The following USP53 variants were observed in gnomAD, a reference collection of about 807,000 sequenced individuals.
The protein encoded by USP53 is ubiquitin specific peptidase 53, also known as ubiquitin carboxyl-terminal hydrolase 53.
In USP53, 71 loss-of-function variants were observed where a neutral mutation model predicts 94.9. That is an observed-to-expected ratio of 0.75 (90% CI 0.62 to 0.91). The LOEUF is 0.91. Ranked by LOEUF, USP53 falls within the 40% of genes least tolerant of loss-of-function variation. USP53 has a pLI of 0.00. For synonymous variants in USP53, 375 were observed against 422.7 expected, an observed-to-expected ratio of 0.89 and a Z score of 1.39; for missense variants, 1,173 against 1,281.0, an observed-to-expected ratio of 0.92 and a Z score of 1.29.
chr4:119,232,760 C>CTA (rs1746234725), intron 3 of USP53, among the ~76,000 whole-genome samples: 1 of 151,964 alleles, frequency 6.6e-6, no homozygotes, highest in Non-Finnish European at 1.5e-5. Flanking sequence ...ATTTTTGTAC[C>CTA]TATAATCATG....
chr4:119,268,511 C>A lies in USP53; in HGVS notation c.1288+91C>A, dbSNP rs989143556. The A allele has an allele frequency of 2.4e-6, 3 of 1,271,834 alleles. No individual in the cohort carries two copies. The African/African-American group carries it at 4.5e-5, about 19-fold the overall frequency. The allele number at this position is 1,271,834 out of a possible 1,614,324, so 78.8% of individuals were successfully genotyped here. ...AGGATGCTTACCTAGCTTTCCTTGG[C>A]TGTGAAAAGATAATAACAAATAGAT... On this transcript the variant is annotated intron_variant, in intron 14 of 18. Transcript: ENST00000692078.
chr4:119,272,484 G>A (rs1751992808), intron 16 of USP53: 1 of 154,044 alleles, frequency 6.5e-6, no homozygotes, highest in Admixed American at 6.5e-5. Context: ...CGCAATTACG[G>A]GTCACTGCAA....
chr4:119,215,011 A>G (rs879157471), intron 2 of USP53, among the ~76,000 whole-genome samples: 1 of 152,148 alleles, frequency 6.6e-6, no homozygotes, highest in Admixed American at 6.5e-5. Flanking sequence ...ATCCTTTTTG[A>G]CAGCTTTAAC....
In USP53 at chr4:119,268,328, A is replaced by G. The variant is rs1396915839; in HGVS notation, c.1196A>G (p.Gln399Arg). ...TTAAAAGAAAATGGATTTGGTGATC[A>G]GGCAAAGCAGAGAGAAAATCAGAAA... ...DNLKENGFGD[Q>R]AKQRENQKFP... Residue 399 changes from glutamine to arginine, a missense_variant, in exon 14 of 19, where the codon CAG becomes CGG. Physicochemically the swap from Gln to Arg is conservative, Grantham distance 43. Transcript: ENST00000692078. 1.9e-6 allele frequency: 3 copies of G among 1,613,968 alleles called. No individual in the cohort carries two copies. The highest frequency in any genetic ancestry group is 2.5e-6 in the Non-Finnish European group (3 of 1,179,936).
At position 119,261,735 on chromosome 4, in the gene USP53, T is replaced by C; in HGVS notation, c.843T>C (p.Asp281=). 1.3e-6 allele frequency: 2 copies of C among 1,570,700 alleles called. No homozygotes were observed. Among genetic ancestry groups the C allele is most frequent in the Non-Finnish European group, 1.7e-6 (2 of 1,149,474 alleles). The change falls in exon 12 of 19, where the codon GAT becomes GAC. Residue 281 remains aspartate, a synonymous_variant. Coordinates refer to ENST00000692078, the MANE Select transcript of USP53 (RefSeq NM_001371395.1). ...AACAGCTTTTTTATAGAGTTACTGA[T>C]GAAAATGCCAAAAATAGTGAACTTA... ...YLPGLFYRVT[D]ENAKNSELNL...
At chr4:119,290,467 T>C (rs1209717138) in intron 17 of USP53, among the ~76,000 whole-genome samples, 2 of 152,174 alleles carry the variant, frequency 1.3e-5, no homozygotes, top group Non-Finnish European at 2.9e-5. Context: ...AGTATATCGA[T>C]ATATATACTT....
chr4:119,280,483 AC>A (rs1023019624), intron 17 of USP53, among the ~76,000 whole-genome samples: 57 of 152,186 alleles, frequency 3.7e-4, no homozygotes, highest in African/African-American at 1.3e-3. Context: ...TTTACCTCCT[AC>A]CTTTTATGTC....
intron 17 of USP53, among the ~76,000 whole-genome samples, chr4:119,282,680 C>T (rs544454419): frequency 6.6e-6 from 1 of 152,060 alleles, no homozygotes; most frequent in East Asian, 1.9e-4. Context: ...TCCCTTCCCC[C>T]AGTCTGGGAC....
chr4:119,231,994 T>A (rs138195459), intron 3 of USP53, among the ~76,000 whole-genome samples: 2 of 152,248 alleles, frequency 1.3e-5, no homozygotes, highest in Non-Finnish European at 1.5e-5. Context: ...CCCACTCTTA[T>A]CAGTGTGGTA....
At chr4:119,232,998 C>G (rs1362643884) in intron 3 of USP53, among the ~76,000 whole-genome samples, 2 of 151,868 alleles carry the variant, frequency 1.3e-5, no homozygotes, top group African/African-American at 4.8e-5. Context: ...TCTAAACTAG[C>G]CTTTTTAAGC....
chr4:119,253,566 GC>G (rs1340237707), intron 7 of USP53, among the ~76,000 whole-genome samples: 3 of 151,702 alleles, frequency 2.0e-5, no homozygotes, highest in African/African-American at 7.3e-5. Context: ...CTTTCCATTT[GC>G]TTGGTAGATC....
chr4:119,221,857 C>A (rs536683724), intron 3 of USP53, among the ~76,000 whole-genome samples: 5 of 152,088 alleles, frequency 3.3e-5, no homozygotes, highest in African/African-American at 1.2e-4. Context: ...CACAGCAGAG[C>A]AAAGGAGAGA....
At chr4:119,274,174 T>C (rs1752258300) in intron 17 of USP53, among the ~76,000 whole-genome samples, 1 of 151,876 alleles carries the variant, frequency 6.6e-6, no homozygotes, top group Non-Finnish European at 1.5e-5. Context: ...TGTATACATG[T>C]GCCATGCTGG....
chr4:119,291,230 C>A lies in USP53; in HGVS notation c.2317C>A (p.His773Asn). 7.0e-7 allele frequency: 1 copy of A among 1,421,382 alleles called. No individual in the cohort carries two copies. 88.0% of individuals were successfully genotyped at this position (1,421,382 alleles called of 1,614,324 possible). A position where few individuals can be genotyped will look rare whatever the true frequency, so the allele number is the denominator to read the frequency against. ...YKSHEFHPESHLQIKNHLIKR... is the reference protein window; with the variant it reads ...YKSHEFHPESNLQIKNHLIKR... The stretch of plus-strand genomic sequence containing the variant: ...ATCTCATGAATTCCACCCAGAATCA[C>A]ATTTACAAATAAAAAATCATTTGAT... The change falls in exon 18 of 19, where the codon CAT becomes AAT. Residue 773 changes from histidine (H) to asparagine (N), a missense_variant. Coordinates refer to ENST00000692078, the MANE Select transcript of USP53 (RefSeq NM_001371395.1).
At chr4:119,259,102 G>A (rs6534132) in intron 9 of USP53, among the ~76,000 whole-genome samples, 55,160 of 151,794 alleles carry the variant, frequency 0.36, 10,165 homozygotes, top group South Asian at 0.43. Flanking sequence ...GGAACATGGT[G>A]AAACTCCATC....
intron 2 of USP53, among the ~76,000 whole-genome samples, chr4:119,215,015 C>T (rs1743516561): frequency 6.6e-6 from 1 of 152,128 alleles, no homozygotes; most frequent in Admixed American, 6.5e-5. Context: ...TTTTTGACAG[C>T]TTTAACTGTA....
Position 119,271,775 on chromosome 4 carries a change from A to G in USP53, c.1915A>G (p.Met639Val). 6.2e-7 allele frequency: 1 copy of G among 1,612,804 alleles called. No individual in the cohort carries two copies. Among genetic ancestry groups the G allele is most frequent in the East Asian group, 2.2e-5 (1 of 44,874 alleles). Residue 639 changes from methionine to valine, a missense_variant, in exon 16 of 19, where the codon ATG becomes GTG. Coordinates refer to ENST00000692078, the MANE Select transcript of USP53 (RefSeq NM_001371395.1). ...AGAGAATCCAAAGCAAAAAGGTTTA[A>G]TGACCATATATGAAGATGAAATGAA... ...PKENPKQKGLMTIYEDEMKQE... is the reference protein window; with the variant it reads ...PKENPKQKGLVTIYEDEMKQE...
chr4:119,284,664 T>C (rs1006234244), intron 17 of USP53, among the ~76,000 whole-genome samples: 1 of 151,872 alleles, frequency 6.6e-6, no homozygotes, highest in Admixed American at 6.6e-5. Context: ...AAGTAAAAAG[T>C]TAAAAGATTA....
chr4:119,280,985 T>C (rs1304619906), intron 17 of USP53, among the ~76,000 whole-genome samples: 1 of 152,178 alleles, frequency 6.6e-6, no homozygotes, highest in Non-Finnish European at 1.5e-5. Flanking sequence ...TACAGGTGCT[T>C]GGAATTGAAT....
Sources: gnomAD v4.1 joint callset for allele counts (sites outside exome capture counted in the v4.1 genomes callset) on GRCh38, gnomAD v4.1.1 for gene constraint, MANE v1.5 for transcripts, NCBI Gene and HGNC (gene_info 2026-07-23, HGNC 2026-07-21) for gene names.